Variants in FBXW10 observed in about 807,000 individuals in gnomAD.
FBXW10 encodes the protein F-box and WD repeat domain containing 10.
A neutral mutation model predicts 113.1 loss-of-function variants in FBXW10; 68 were observed. The observed-to-expected ratio is 0.60, with a 90% confidence interval of 0.49 to 0.74. FBXW10 has a LOEUF of 0.74. Among genes scored for constraint, FBXW10 ranks in the 30% least tolerant of loss-of-function variants. The pLI is 0.00. For missense variants in FBXW10, 753 were observed against 1,284.5 expected (o/e 0.59, Z 6.32); for synonymous variants, 289 against 481.6 (o/e 0.60, Z 5.24).
At chr17:18,763,965 C>A (rs1330693796) in intron 7 of FBXW10, among the ~76,000 whole-genome samples, 1 of 146,148 alleles carries the variant, frequency 6.8e-6, no homozygotes, top group Non-Finnish European at 1.5e-5. Context: ...GCACTATTGC[C>A]ATCTGGGGCT....
chr17:18,749,780 A>G lies in FBXW10; in HGVS notation c.729A>G (p.Gly243=). The stretch of plus-strand genomic sequence containing the variant: ...CCGAAATGAATAGGCTGTTTTCTGG[A>G]AAAGGAGACATAACCAAGCCAGGGT... The part of the protein sequence containing the change: ...CISEMNRLFS[G]KGDITKPGYD... Residue 243 remains glycine, a synonymous_variant, in exon 3 of 14, where the codon GGA becomes GGG. Transcript: ENST00000395665. 1.2e-6 allele frequency: 2 copies of G among 1,614,228 alleles called. No individual in the cohort carries two copies. Among genetic ancestry groups the G allele is most frequent in the Non-Finnish European group, 1.7e-6 (2 of 1,180,028 alleles).
At chr17:18,775,597 G>C (rs2035684600) in intron 13 of FBXW10, among the ~76,000 whole-genome samples, 1 of 152,358 alleles carries the variant, frequency 6.6e-6, no homozygotes, top group Middle Eastern at 3.4e-3. Context: ...CACAATAAAA[G>C]AGAGAAGAGG....
At chr17:18,751,491 A>G (rs1158973210) in intron 5 of FBXW10, among the ~76,000 whole-genome samples, 1 of 151,928 alleles carries the variant, frequency 6.6e-6, no homozygotes, top group East Asian at 1.9e-4. Context: ...CGGCCTCCCA[A>G]AGTGCTGGGA....
At chr17:18,757,116 A>G (rs1400429027) in intron 6 of FBXW10, among the ~76,000 whole-genome samples, 1 of 152,236 alleles carries the variant, frequency 6.6e-6, no homozygotes, top group East Asian at 1.9e-4. Context: ...ATGTATATAT[A>G]TACATAAAAA....
rs560545599 is a variant in FBXW10, at chr17:18,761,951, GTTTTTC to G, written c.1434-2773_1434-2768del. ...TAAAAGCATGTATGTTTCATAATTG[GTTTTTC>G]TTTTTCTTTTTCTTTTTTTTTTTGA... On this transcript the variant is annotated intron_variant, in intron 7 of 13. Coordinates refer to ENST00000395665, the MANE Select transcript of FBXW10 (RefSeq NM_001267585.2). 1.8e-4 allele frequency among the ~76,000 whole-genome samples: 28 copies of G among 151,760 alleles called. 1 individual carries two copies. In the South Asian group the frequency reaches 2.1e-3, roughly 11 times the overall value.
chr17:18,761,764 T>C (rs1381957671), intron 7 of FBXW10, among the ~76,000 whole-genome samples: 1 of 152,198 alleles, frequency 6.6e-6, no homozygotes, highest in Non-Finnish European at 1.5e-5. Flanking sequence ...TCCTGTGTAT[T>C]TTTACTTAAT....
Position 18,769,911 on chromosome 17 carries a change from C to T in FBXW10, c.1848-16C>T. Reference sequence around the variant, plus strand: ...ACGAGAGGATGGGTACTGCCTGCTACTCTGTTCCCTTCCAGGGAGGTGCTC... The same window carrying T: ...ACGAGAGGATGGGTACTGCCTGCTATTCTGTTCCCTTCCAGGGAGGTGCTC... On this transcript the variant is annotated splice_polypyrimidine_tract_variant and intron_variant, in intron 10 of 13. Transcript: ENST00000395665. 1.2e-6 allele frequency: 2 copies of T among 1,613,934 alleles called. No homozygotes were observed. Among genetic ancestry groups the T allele is most frequent in the African/African-American group, 1.3e-5 (1 of 75,026 alleles).
At chr17:18,774,867 T>C (rs1213668181) in intron 12 of FBXW10, among the ~76,000 whole-genome samples, 2 of 152,074 alleles carry the variant, frequency 1.3e-5, no homozygotes, top group Non-Finnish European at 2.9e-5. Flanking sequence ...AGGAGAAGAT[T>C]TGGAATGTTC....
At chr17:18,770,687 A>T (rs1054123472) in intron 11 of FBXW10, among the ~76,000 whole-genome samples, 3 of 152,078 alleles carry the variant, frequency 2.0e-5, no homozygotes, top group Non-Finnish European at 4.4e-5. Context: ...CAGTTCTACC[A>T]ATGTGCAGCC....
intron 7 of FBXW10, among the ~76,000 whole-genome samples, chr17:18,761,876 T>C (rs1417140652): frequency 1.3e-5 from 2 of 152,218 alleles, no homozygotes; most frequent in Non-Finnish European, 2.9e-5. Flanking sequence ...AATTGATTTT[T>C]GTAAATTGAT....
At chr17:18,773,240 G>C (rs1372594136) in intron 12 of FBXW10, among the ~76,000 whole-genome samples, 1 of 151,842 alleles carries the variant, frequency 6.6e-6, no homozygotes, top group Non-Finnish European at 1.5e-5. Flanking sequence ...GCCTGCAAGA[G>C]CTAGATTTTC....
In FBXW10 at chr17:18,768,580, A is replaced by G. The variant is rs1208492363; in HGVS notation, c.1751A>G (p.Gln584Arg). ...GCCGTGAAATGCCTGTTCTTTGACC[A>G]GTGGCATCTCCTCTCAGGAAGTACT... The part of the protein sequence containing the change: ...EGAVKCLFFD[Q>R]WHLLSGSTDG... Residue 584 changes from glutamine (Q) to arginine (R), a missense_variant, in exon 10 of 14, where the codon CAG becomes CGG. By Grantham distance (43) the Gln-to-Arg change is conservative. Transcript: ENST00000395665. 1 of 1,614,068 alleles carries G rather than the reference A, an allele frequency of 6.2e-7. No individual in the cohort carries two copies. Among genetic ancestry groups the G allele is most frequent in the Non-Finnish European group, 8.5e-7 (1 of 1,179,990 alleles).
At position 18,756,149 on chromosome 17, in the gene FBXW10, T is replaced by C. The variant is rs779081541; in HGVS notation, c.1227T>C (p.Ser409=). The C allele has an allele frequency of 6.2e-7, 1 of 1,613,556 alleles. No individual in the cohort carries two copies. The highest frequency in any genetic ancestry group is 1.7e-5 in the Admixed American group (1 of 59,978). The stretch of plus-strand genomic sequence containing the variant: ...GGACCTACAATGTTCGCATTCTCTC[T>C]GACACGTAGGTACTGGGGTCAGAAT... ...FCGTYNVRIL[S]DTWDQNRVIH... The change falls in exon 6 of 14, where the codon TCT becomes TCC. Residue 409 remains serine (S), a synonymous_variant. Transcript: ENST00000395665.
chr17:18,769,887 C>T (rs199784714), intron 10 of FBXW10, 40 bp from the exon 11 acceptor site: 167 of 1,597,726 alleles, frequency 1.0e-4, no homozygotes, highest in Non-Finnish European at 1.3e-4. Context: ...AGGCATTTTA[C>T]GAGAGGATGG....
intron 2 of FBXW10, among the ~76,000 whole-genome samples, chr17:18,749,013 A>G (rs1427977401): frequency 6.6e-6 from 1 of 152,234 alleles, no homozygotes; most frequent in Non-Finnish European, 1.5e-5. Flanking sequence ...TCAAATTTCA[A>G]AAGTATGTAG....
chr17:18,750,482 C>T (rs985037594), intron 4 of FBXW10, among the ~76,000 whole-genome samples: 23 of 150,946 alleles, frequency 1.5e-4, no homozygotes, highest in Non-Finnish European at 3.0e-4. Context: ...CTGCATCAAC[C>T]TCATATGGAG....
intron 6 of FBXW10, among the ~76,000 whole-genome samples, chr17:18,757,593 G>C (rs1414705657): frequency 3.3e-5 from 5 of 152,344 alleles, no homozygotes; most frequent in African/African-American, 1.2e-4. Flanking sequence ...GTTACAGGGA[G>C]TTATTATTGC....
At chr17:18,775,930 C>A (rs546765450) in intron 13 of FBXW10, among the ~76,000 whole-genome samples, 2 of 151,158 alleles carry the variant, frequency 1.3e-5, no homozygotes, top group Non-Finnish European at 1.5e-5. Flanking sequence ...GAAGCTGAGG[C>A]GGGAGGATCC....
intron 10 of FBXW10, among the ~76,000 whole-genome samples, chr17:18,769,215 G>A (rs1181079589): frequency 6.6e-6 from 1 of 151,892 alleles, no homozygotes; most frequent in African/African-American, 2.4e-5. Context: ...GATTACAGGC[G>A]TGAGCCACCT....
Sources: allele counts gnomAD v4.1 joint callset (sites outside exome capture counted in the v4.1 genomes callset), GRCh38; gene constraint gnomAD v4.1.1; transcripts MANE v1.5; gene names NCBI Gene and HGNC (gene_info 2026-07-23, HGNC 2026-07-21).